The following RAB3C variants were observed in gnomAD, a reference collection of about 807,000 sequenced individuals.
RAB3C encodes ras-related protein Rab-3C.
A neutral mutation model predicts 26.4 loss-of-function variants in RAB3C; 17 were observed. The ratio of observed to expected loss-of-function variants is 0.64; its 90% CI spans 0.44 to 0.97. RAB3C has a LOEUF of 0.97. Among genes scored for constraint, RAB3C ranks in the 50% least tolerant of loss-of-function variants. The pLI is 0.00. For missense variants in RAB3C, 242 were observed against 281.9 expected (o/e 0.86, Z 1.01); for synonymous variants, 91 against 95.9 (o/e 0.95, Z 0.30).
In RAB3C at chr5:58,854,717, T is replaced by C. The variant is rs1744220845; in HGVS notation, c.*3366T>C. 6.6e-6 allele frequency: 1 copy of C among 152,160 alleles called. No homozygotes were observed. Among genetic ancestry groups the C allele is most frequent in the Non-Finnish European group, 1.5e-5 (1 of 68,032 alleles). The allele number at this position is 152,160 out of a possible 1,614,324, so 9.4% of individuals were successfully genotyped here. A position where few individuals can be genotyped will look rare whatever the true frequency, so the allele number is the denominator to read the frequency against. ...GCTGCCTGGTAACTAAGTGCTAAGATTTTTACTTGGAAAGAAAACTATGAC... is the reference window on the plus strand; with the variant it reads ...GCTGCCTGGTAACTAAGTGCTAAGACTTTTACTTGGAAAGAAAACTATGAC... On this transcript the variant is annotated 3_prime_UTR_variant, in exon 5 of 5. Coordinates refer to ENST00000282878, the MANE Select transcript of RAB3C (RefSeq NM_138453.4).
chr5:58,595,953 T>C (rs1235272617), intron 1 of RAB3C, among the ~76,000 whole-genome samples: 1 of 152,100 alleles, frequency 6.6e-6, no homozygotes, highest in African/African-American at 2.4e-5. Context: ...TCAAGAATGT[T>C]TGATGAGTTT....
intron 3 of RAB3C, among the ~76,000 whole-genome samples, chr5:58,776,866 G>C (rs1429950055): frequency 6.6e-6 from 1 of 152,150 alleles, no homozygotes; most frequent in Non-Finnish European, 1.5e-5. Context: ...ATGGGGAAGA[G>C]AGAATGAATA....
At chr5:58,733,751 A>G (rs1277864402) in intron 3 of RAB3C, among the ~76,000 whole-genome samples, 1 of 152,208 alleles carries the variant, frequency 6.6e-6, no homozygotes, top group Non-Finnish European at 1.5e-5. Flanking sequence ...GGTTGTGACC[A>G]GAGAGTTTAC....
intron 2 of RAB3C, among the ~76,000 whole-genome samples, chr5:58,686,523 T>C (rs1470854518): frequency 6.6e-6 from 1 of 152,158 alleles, no homozygotes; most frequent in Non-Finnish European, 1.5e-5. Context: ...TCTCCCATTT[T>C]AGGTATAATT....
At chr5:58,633,998 G>A (rs13358097) in intron 2 of RAB3C, among the ~76,000 whole-genome samples, 17,843 of 151,042 alleles carry the variant, frequency 0.12, 1,348 homozygotes, top group Non-Finnish European at 0.16. Flanking sequence ...AAAATTAGCC[G>A]GGCATGGTGG....
chr5:58,745,423 A>AAAAAAAAAAAAAAAC (rs1579894952), intron 3 of RAB3C, among the ~76,000 whole-genome samples: 1 of 150,120 alleles, frequency 6.7e-6, no homozygotes, highest in African/African-American at 2.5e-5. Context: ...AAAAAAAGAA[A>AAAAAAAAAAAAAAAC]GTAGATGGGG....
intron 2 of RAB3C, among the ~76,000 whole-genome samples, chr5:58,723,427 G>T (rs1204010527): frequency 6.6e-6 from 1 of 151,760 alleles, no homozygotes; most frequent in African/African-American, 2.4e-5. Flanking sequence ...CACACTCTTA[G>T]CTAATTTTCA....
At chr5:58,686,083 T>C (rs577352631) in intron 2 of RAB3C, among the ~76,000 whole-genome samples, 1 of 152,210 alleles carries the variant, frequency 6.6e-6, no homozygotes, top group East Asian at 1.9e-4. Context: ...AAAGACCAAT[T>C]AGGAGATGCT....
At chr5:58,751,505 C>T (rs1218628014) in intron 3 of RAB3C, among the ~76,000 whole-genome samples, 3 of 152,106 alleles carry the variant, frequency 2.0e-5, no homozygotes, top group Non-Finnish European at 2.9e-5. Flanking sequence ...AAGGCTTGGA[C>T]GGAAGCCATG....
Position 58,600,044 on chromosome 5 carries a change from T to C in RAB3C, c.24+16812T>C, listed in dbSNP as rs190934573. ...TTTTGTTTAAGGTGAAAGATGAGGA[T>C]CCAGTTTCATTCTCCTACATGTGGC... is the stretch of plus-strand genomic sequence containing the variant. On this transcript the variant is annotated intron_variant, in intron 1 of 4. Transcript: ENST00000282878. Among the ~76,000 whole-genome samples the C allele has an allele frequency of 1.8e-4, 28 of 152,310 alleles. No homozygotes were observed. In the East Asian group the frequency reaches 3.9e-3, roughly 21 times the overall value.
chr5:58,793,783 G>T (rs1742582529), intron 3 of RAB3C, among the ~76,000 whole-genome samples: 1 of 152,036 alleles, frequency 6.6e-6, no homozygotes, highest in East Asian at 1.9e-4. Flanking sequence ...TATTTCTGAT[G>T]GTCATCTAGG....
At chr5:58,794,413 T>C (rs1369302764) in intron 3 of RAB3C, 5 of 152,090 alleles carry the variant, frequency 3.3e-5, no homozygotes, top group Admixed American at 6.5e-5. Context: ...GGCTGCAAGA[T>C]TGTATGAAAC....
At chr5:58,816,290 T>C (rs1743213756) in intron 3 of RAB3C, among the ~76,000 whole-genome samples, 1 of 152,176 alleles carries the variant, frequency 6.6e-6, no homozygotes, top group African/African-American at 2.4e-5. Context: ...AGGTCTGTGT[T>C]CAAGCCACCT....
At chr5:58,824,627 A>G (rs1743433091) in intron 3 of RAB3C, among the ~76,000 whole-genome samples, 1 of 152,202 alleles carries the variant, frequency 6.6e-6, no homozygotes, top group Non-Finnish European at 1.5e-5. Flanking sequence ...TAGGTTGGGC[A>G]GCCATCTCAG....
chr5:58,625,776 G>A (rs1233434284), intron 2 of RAB3C, among the ~76,000 whole-genome samples: 1 of 151,294 alleles, frequency 6.6e-6, no homozygotes, highest in Admixed American at 6.6e-5. Flanking sequence ...AGAATCGCTT[G>A]AACCTGGGAG....
chr5:58,736,765 C>T (rs1166269990), intron 3 of RAB3C, among the ~76,000 whole-genome samples: 1 of 152,138 alleles, frequency 6.6e-6, no homozygotes, highest in Non-Finnish European at 1.5e-5. Flanking sequence ...TCACGTTCAC[C>T]GGTCCTGGGG....
intron 3 of RAB3C, among the ~76,000 whole-genome samples, chr5:58,779,807 G>C (rs1014037540): frequency 1.3e-5 from 2 of 152,006 alleles, no homozygotes; most frequent in Admixed American, 1.3e-4. Flanking sequence ...AGAATTGAAG[G>C]GTTATAAAAC....
intron 3 of RAB3C, among the ~76,000 whole-genome samples, chr5:58,745,119 C>T (rs766240124): frequency 7.2e-5 from 11 of 151,896 alleles, no homozygotes; most frequent in Admixed American, 3.9e-4. Context: ...AGATGGGGGC[C>T]GGGCGCGGTG....
intron 4 of RAB3C, among the ~76,000 whole-genome samples, chr5:58,832,735 G>C (rs1398141803): frequency 6.6e-6 from 1 of 152,218 alleles, no homozygotes; most frequent in Non-Finnish European, 1.5e-5. Context: ...GATTTTGATA[G>C]TTAGACAAAC....
Sources: gnomAD v4.1 joint callset for allele counts (sites outside exome capture counted in the v4.1 genomes callset) on GRCh38, gnomAD v4.1.1 for gene constraint, MANE v1.5 for transcripts, NCBI Gene and HGNC (gene_info 2026-07-23, HGNC 2026-07-21) for gene names.